The following WWOX variants were observed in gnomAD, a reference collection of about 807,000 sequenced individuals.
WWOX encodes the protein WW domain containing oxidoreductase.
In WWOX, 69 loss-of-function variants were observed where a neutral mutation model predicts 46.2. The observed-to-expected ratio is 1.49, with a 90% CI of 1.23 to 1.82. WWOX has a LOEUF of 1.82. WWOX is among the 40% of genes most tolerant of loss of function. The pLI, the probability that WWOX is intolerant of heterozygous loss-of-function variation, is 0.00. For missense variants in WWOX, 919 were observed against 542.6 expected, an observed-to-expected ratio of 1.69 and a Z score of -6.89; for synonymous variants, 359 against 202.6, an observed-to-expected ratio of 1.77 and a Z score of -6.56.
chr16:79,079,514 C>T (rs762644624), intron 8 of WWOX, among the ~76,000 whole-genome samples: 2 of 152,172 alleles, frequency 1.3e-5, no homozygotes, highest in South Asian at 4.1e-4. Flanking sequence ...CTGTTACATT[C>T]TTGAACCATA....
chr16:79,129,514 G>A (rs747936118), intron 8 of WWOX, among the ~76,000 whole-genome samples: 2 of 151,530 alleles, frequency 1.3e-5, no homozygotes, highest in African/African-American at 4.9e-5. Context: ...GGTTTAAGCT[G>A]CAGAAAATGG....
At chr16:78,534,391 ACAAC>A (rs1409452002) in intron 8 of WWOX, 1 of 152,238 alleles carries the variant, frequency 6.6e-6, no homozygotes, top group Non-Finnish European at 1.5e-5. Context: ...TATCACTGAA[ACAAC>A]CAACTGAAAA....
rs570379568 is a variant in WWOX, at chr16:78,356,538, G to A, written c.517-30322G>A. ...CCAGTGCTCTGAATGTGGAGAGGTAGGTGCAGGGCAGTGGGACAGAGAGGT... is the reference window on the plus strand; with the variant it reads ...CCAGTGCTCTGAATGTGGAGAGGTAAGTGCAGGGCAGTGGGACAGAGAGGT... On this transcript the variant is annotated intron_variant, in intron 5 of 8. Coordinates refer to ENST00000566780, the MANE Select transcript of WWOX (RefSeq NM_016373.4). 3.3e-5 allele frequency among the ~76,000 whole-genome samples: 5 copies of A among 152,236 alleles called. No individual in the cohort carries two copies. The South Asian group carries it at 6.2e-4, about 19-fold the overall frequency.
intron 8 of WWOX, among the ~76,000 whole-genome samples, chr16:79,154,311 A>T (rs931944855): frequency 6.6e-6 from 1 of 152,160 alleles, no homozygotes; most frequent in Admixed American, 6.5e-5. Context: ...TTTTGTTTCC[A>T]GCTGAGTTTC....
At chr16:78,881,413 T>C (rs1241865438) in intron 8 of WWOX, among the ~76,000 whole-genome samples, 3 of 152,236 alleles carry the variant, frequency 2.0e-5, no homozygotes, top group Admixed American at 6.5e-5. Flanking sequence ...GAAACTAATA[T>C]ACAGGTTTTC....
chr16:78,454,909 C>A (rs1326313353), intron 8 of WWOX, among the ~76,000 whole-genome samples: 1 of 152,230 alleles, frequency 6.6e-6, no homozygotes, highest in African/African-American at 2.4e-5. Context: ...ACAGTCTGTT[C>A]TTTGGCAGTC....
intron 5 of WWOX, among the ~76,000 whole-genome samples, chr16:78,182,971 A>AG (rs1389379716): frequency 6.6e-6 from 1 of 150,556 alleles, no homozygotes. Flanking sequence ...AAAAAAAGAA[A>AG]GAAAGAAAGC....
At chr16:78,319,115 G>C (rs567920425) in intron 5 of WWOX, among the ~76,000 whole-genome samples, 1 of 152,124 alleles carries the variant, frequency 6.6e-6, no homozygotes, top group South Asian at 2.1e-4. Context: ...GAGTCAGGCA[G>C]TGAGATGGCA....
rs568398922 is a variant in WWOX at position 78,482,144 on chromosome 16, CTT to C, written c.1056+49396_1056+49397del. 3.0e-3 allele frequency among the ~76,000 whole-genome samples: 460 copies of C among 152,234 alleles called. 2 individuals are homozygous for C. Among genetic ancestry groups the C allele is most frequent in the African/African-American group, 0.011 (437 of 41,536 alleles). On this transcript the variant is annotated intron_variant, in intron 8 of 8. Transcript: ENST00000566780. ...AATGGTGGGTCAGATGGCTTCATGT[CTT>C]TTTACATCACAGTTCCACAGCCCTC...
chr16:78,263,879 A>T (rs2079302273), intron 5 of WWOX, among the ~76,000 whole-genome samples: 1 of 152,000 alleles, frequency 6.6e-6, no homozygotes, highest in African/African-American at 2.4e-5. Flanking sequence ...TGTGCTTCTC[A>T]GGCTGGCCAG....
intron 8 of WWOX, among the ~76,000 whole-genome samples, chr16:79,014,492 G>A (rs1384590959): frequency 6.6e-6 from 1 of 152,064 alleles, no homozygotes; most frequent in African/African-American, 2.4e-5. Context: ...TTCAGTTCAG[G>A]GAAATCCAGC....
rs537675492 is a variant in WWOX, at chr16:79,129,144, C to G, written c.1057-82464C>G. 1.2e-4 allele frequency among the ~76,000 whole-genome samples: 18 copies of G among 152,082 alleles called. No individual in the cohort carries two copies. In the South Asian group the frequency reaches 3.7e-3, roughly 32 times the overall value. Reference sequence around the variant, plus strand: ...AGTTATAAAATGTTGCCTCCTGTATCTCAGTAGGCACTGTTCAAGCATTTG... The same window carrying G: ...AGTTATAAAATGTTGCCTCCTGTATGTCAGTAGGCACTGTTCAAGCATTTG... On this transcript the variant is annotated intron_variant, in intron 8 of 8. Transcript: ENST00000566780.
intron 8 of WWOX, among the ~76,000 whole-genome samples, chr16:78,953,309 G>C (rs2046100412): frequency 6.6e-6 from 1 of 151,638 alleles, no homozygotes; most frequent in Admixed American, 6.6e-5. Flanking sequence ...GTGGGGGGTG[G>C]GGGGCATGTT....
chr16:78,889,462 C>G (rs10451158), intron 8 of WWOX, among the ~76,000 whole-genome samples: 66,328 of 150,924 alleles, frequency 0.44, 14,533 homozygotes, highest in African/African-American at 0.46. Flanking sequence ...TCAGAGTGAT[C>G]ATTCTTGCCC....
chr16:78,934,862 G>A (rs973063795), intron 8 of WWOX, among the ~76,000 whole-genome samples: 2 of 152,170 alleles, frequency 1.3e-5, no homozygotes, highest in African/African-American at 4.8e-5. Flanking sequence ...CACTTTGGGA[G>A]GCCAAGGCGG....
At chr16:78,512,864 G>GA (rs2151488685) in intron 8 of WWOX, among the ~76,000 whole-genome samples, 1 of 152,242 alleles carries the variant, frequency 6.6e-6, no homozygotes, top group East Asian at 1.9e-4. Context: ...CCTCCCATTG[G>GA]AATCACTTTG....
At chr16:78,703,296 A>G (rs975679061) in intron 8 of WWOX, among the ~76,000 whole-genome samples, 1 of 152,076 alleles carries the variant, frequency 6.6e-6, no homozygotes, top group African/African-American at 2.4e-5. Flanking sequence ...CTTCTCTCCC[A>G]TCTTTCCTGT....
chr16:79,186,278 A>G (rs968477756), intron 8 of WWOX, among the ~76,000 whole-genome samples: 12 of 152,194 alleles, frequency 7.9e-5, no homozygotes, highest in Admixed American at 3.3e-4. Flanking sequence ...AACAACAGGA[A>G]TATTATCTCA....
chr16:78,188,044 G>A (rs139382517), intron 5 of WWOX, among the ~76,000 whole-genome samples: 1 of 152,144 alleles, frequency 6.6e-6, no homozygotes, highest in East Asian at 1.9e-4. Context: ...ACTTGGGATT[G>A]TGTGGTTTCT....
Sources: gnomAD v4.1 joint callset for allele counts (sites outside exome capture counted in the v4.1 genomes callset) on GRCh38, gnomAD v4.1.1 for gene constraint, MANE v1.5 for transcripts, NCBI Gene and HGNC (gene_info 2026-07-23, HGNC 2026-07-21) for gene names.